The following TSPEAR variants were observed in gnomAD, a reference collection of about 807,000 sequenced individuals.
TSPEAR encodes thrombospondin-type laminin G domain and EAR repeat-containing protein.
A neutral mutation model predicts 71.6 loss-of-function variants in TSPEAR; 69 were observed. The ratio of observed to expected loss-of-function variants is 0.96; its 90% confidence interval spans 0.79 to 1.18. The LOEUF (loss-of-function observed/expected upper bound fraction) is 1.18. Among genes scored for constraint, TSPEAR ranks in the 50% most tolerant of loss-of-function variants. The probability of loss-of-function intolerance (pLI) is 0.00; values close to 1 mark genes in which losing one functional copy is unlikely to be tolerated. For missense variants in TSPEAR, 971 were observed against 894.9 expected (o/e 1.09, Z -1.09); for synonymous variants, 402 against 387.2 (o/e 1.04, Z -0.45).
intron 1 of TSPEAR, chr21:44,627,031 C>A (rs1982837191): frequency 1.5e-6 from 2 of 1,318,206 alleles, no homozygotes; most frequent in Non-Finnish European, 2.1e-6. Flanking sequence ...GAAGGGGAAG[C>A]TGTGGGCCCT....
rs782362100 is a variant in TSPEAR at position 44,658,020 on chromosome 21, G to A, written c.82+53413C>T. The A allele has an allele frequency of 2.9e-5, 47 of 1,613,776 alleles. No homozygotes were observed. In the South Asian group the frequency reaches 3.0e-4, roughly 10 times the overall value. On this transcript the variant is annotated intron_variant, in intron 1 of 11. Transcript: ENST00000323084. ...TGCTCCCCAGCCTGCCAGCCAACCT[G>A]CTGCATACACAGCCCCTGCCAGGCA...
rs781830086 is a variant in TSPEAR, at chr21:44,551,845, C to T, written c.303+15940G>A. Among the ~76,000 whole-genome samples the T allele has an allele frequency of 1.0e-3, 156 of 152,074 alleles. 1 individual carries two copies. The highest frequency in any genetic ancestry group is 1.5e-3 in the Non-Finnish European group (100 of 68,002). On this transcript the variant is annotated intron_variant, in intron 2 of 11. Transcript: ENST00000323084. Reference sequence around the variant, plus strand: ...CTGTGCCCAGCGTGAGCTCTGGGCCCGGGGGAGGCCCAGCCTCTGTCTGCA... The same window carrying T: ...CTGTGCCCAGCGTGAGCTCTGGGCCTGGGGGAGGCCCAGCCTCTGTCTGCA...
chr21:44,612,349 C>T lies in TSPEAR; in HGVS notation c.83-44344G>A. 1 of 1,613,904 alleles carries T rather than the reference C, an allele frequency of 6.2e-7. No homozygotes were observed. Among genetic ancestry groups the T allele is most frequent in the Non-Finnish European group, 8.5e-7 (1 of 1,180,024 alleles). On this transcript the variant is annotated intron_variant, in intron 1 of 11. Coordinates refer to ENST00000323084, the MANE Select transcript of TSPEAR (RefSeq NM_144991.3). This position sits in a 1 kb window ranked among gnomAD's most constrained non-coding sequence, Gnocchi z 4.1. The stretch of plus-strand genomic sequence containing the variant: ...TCTGTGCCCCAGTGAGCTGTGAGCC[C>T]AGCCCCTGCCAATCAGGCTGCACCG...
intron 1 of TSPEAR, among the ~76,000 whole-genome samples, chr21:44,660,711 A>G (rs144803573): frequency 0.011 from 1,615 of 152,330 alleles, 39 homozygotes; most frequent in African/African-American, 0.037. Flanking sequence ...TCATGTCTGT[A>G]ATCCCAGCAC....
chr21:44,592,496 A>G (rs1228812924), intron 1 of TSPEAR: 8 of 1,601,048 alleles, frequency 5.0e-6, no homozygotes, highest in East Asian at 4.5e-5. Context: ...CTGGGGTTGA[A>G]CTGGTGGAGG....
At position 44,574,140 on chromosome 21, in the gene TSPEAR, G is replaced by A. The variant is rs200808601; in HGVS notation, c.83-6135C>T. The A allele has an allele frequency of 2.0e-4, 319 of 1,594,236 alleles. No homozygotes were observed. In the African/African-American group the frequency reaches 3.2e-3, roughly 16 times the overall value. On this transcript the variant is annotated intron_variant, in intron 1 of 11. Transcript: ENST00000323084. ...CTGCAAGCCTGTGTGCTGTGTGCCC[G>A]TCTGCTGTGGGGATTCTTCATGCTG...
rs587596945 is a variant in TSPEAR, at chr21:44,543,079, T to C, written c.304-9156A>G. Among the ~76,000 whole-genome samples, 96 of 151,914 alleles carry C rather than the reference T, an allele frequency of 6.3e-4. 1 individual carries two copies. The highest frequency in any genetic ancestry group is 2.2e-3 in the African/African-American group (92 of 41,408). On this transcript the variant is annotated intron_variant, in intron 2 of 11. Transcript: ENST00000323084. ...CCCAAATGAGAACAGAATAATGACA[T>C]CCTCTGGACACCGAGAGGATATGTC... is the stretch of plus-strand genomic sequence containing the variant.
At chr21:44,505,692 T>G (rs1301773512) in intron 10 of TSPEAR, among the ~76,000 whole-genome samples, 1 of 151,326 alleles carries the variant, frequency 6.6e-6, no homozygotes, top group East Asian at 2.0e-4. Context: ...CTGCCTTAGC[T>G]GAGACTCCAG....
intron 1 of TSPEAR, among the ~76,000 whole-genome samples, chr21:44,614,574 G>A (rs1186139953): frequency 6.6e-5 from 10 of 152,224 alleles, no homozygotes; most frequent in African/African-American, 9.6e-5. Flanking sequence ...GCCGGGCTCC[G>A]GAACGTTCCT....
intron 1 of TSPEAR, among the ~76,000 whole-genome samples, chr21:44,626,106 T>C (rs1982759794): frequency 6.6e-6 from 1 of 152,272 alleles, no homozygotes; most frequent in Non-Finnish European, 1.5e-5. Context: ...AAAGACGTTC[T>C]ACTCAACATC....
rs782364408 is a variant in TSPEAR at position 44,666,807 on chromosome 21, G to A, written c.82+44626C>T. Reference sequence around the variant, plus strand: ...ACAGCAGGATGCCTGGCAGGAGCTGGGCACACAACAGGCTGGCTGGCAGGG... The same window carrying A: ...ACAGCAGGATGCCTGGCAGGAGCTGAGCACACAACAGGCTGGCTGGCAGGG... On this transcript the variant is annotated intron_variant, in intron 1 of 11. Coordinates refer to ENST00000323084, the MANE Select transcript of TSPEAR (RefSeq NM_144991.3). 1.6e-5 allele frequency: 26 copies of A among 1,611,922 alleles called. No individual in the cohort carries two copies. Among genetic ancestry groups the A allele is most frequent in the Middle Eastern group, 1.7e-4 (1 of 6,056 alleles).
intron 1 of TSPEAR, among the ~76,000 whole-genome samples, chr21:44,624,042 T>A (rs1982616430): frequency 6.6e-6 from 1 of 152,238 alleles, no homozygotes; most frequent in South Asian, 2.1e-4. Context: ...ACCATTTATA[T>A]TCATAATTAT....
At chr21:44,510,696 G>A (rs1555912562) in intron 9 of TSPEAR, 1 of 152,314 alleles carries the variant, frequency 6.6e-6, no homozygotes, top group African/African-American at 2.4e-5. Context: ...CGAGCCCGGA[G>A]AGCCTGGGCT....
chr21:44,503,353 T>G (rs1203961393), intron 11 of TSPEAR, among the ~76,000 whole-genome samples: 9 of 115,744 alleles, frequency 7.8e-5, no homozygotes, highest in Non-Finnish European at 9.1e-5. Context: ...GAAGCAAGGC[T>G]CTGGGAGGAA....
intron 1 of TSPEAR, among the ~76,000 whole-genome samples, chr21:44,575,711 C>T (rs1052162373): frequency 2.6e-5 from 4 of 152,170 alleles, no homozygotes; most frequent in Admixed American, 1.3e-4. Flanking sequence ...GTCCAAATGC[C>T]TCCCTAGCTT....
At chr21:44,511,497 C>T (rs1601331908) in intron 9 of TSPEAR, among the ~76,000 whole-genome samples, 1 of 152,116 alleles carries the variant, frequency 6.6e-6, no homozygotes, top group African/African-American at 2.4e-5. Flanking sequence ...CGTATGTATG[C>T]ATGCAACCAT....
At chr21:44,545,121 C>A (rs2053280594) in intron 2 of TSPEAR, among the ~76,000 whole-genome samples, 1 of 151,694 alleles carries the variant, frequency 6.6e-6, no homozygotes, top group Non-Finnish European at 1.5e-5. Context: ...AGATCGAGAC[C>A]ATCCTGGCTA....
chr21:44,566,076 A>G (rs1555921702), intron 2 of TSPEAR, among the ~76,000 whole-genome samples: 1 of 152,198 alleles, frequency 6.6e-6, no homozygotes, highest in Admixed American at 6.5e-5. Flanking sequence ...GCTACTCTGG[A>G]GGCTGAGGCG....
intron 9 of TSPEAR, among the ~76,000 whole-genome samples, chr21:44,510,433 G>GT (rs2145924498): frequency 6.6e-6 from 1 of 152,328 alleles, no homozygotes; most frequent in East Asian, 1.9e-4. Flanking sequence ...CCACTGGGAC[G>GT]TTTTCTATTT....
Sources: allele counts gnomAD v4.1 joint callset (sites outside exome capture counted in the v4.1 genomes callset), GRCh38; gene constraint gnomAD v4.1.1; non-coding constraint Gnocchi (gnomAD v3.1); transcripts MANE v1.5; gene names NCBI Gene and HGNC (gene_info 2026-07-23, HGNC 2026-07-21).